SLC14A2: variants seen among roughly 807,000 people sequenced by gnomAD.
The protein encoded by SLC14A2 is solute carrier family 14 member 2, also known as urea transporter 2.
A neutral mutation model predicts 104.6 loss-of-function variants in SLC14A2; 91 were observed. That is an observed-to-expected ratio of 0.87 (90% CI 0.73 to 1.04). The LOEUF (loss-of-function observed/expected upper bound fraction) is 1.04. SLC14A2 is among the 50% of genes least tolerant of loss of function. The pLI is 0.00. For missense variants in SLC14A2, 1,189 were observed against 1,156.0 expected (o/e 1.03, Z -0.41); for synonymous variants, 476 against 466.4 (o/e 1.02, Z -0.27).
At chr18:45,619,052 C>T (rs544663383) in intron 1 of SLC14A2, among the ~76,000 whole-genome samples, 1 of 152,370 alleles carries the variant, frequency 6.6e-6, no homozygotes, top group South Asian at 2.1e-4. Context: ...ACACTAAGGA[C>T]TCCTGACAGT....
chr18:45,469,627 T>G (rs1022294777), intron 1 of SLC14A2, among the ~76,000 whole-genome samples: 1 of 152,182 alleles, frequency 6.6e-6, no homozygotes, highest in African/African-American at 2.4e-5. Context: ...GTATTAATTG[T>G]TTCCTGTGCC....
At chr18:45,398,280 G>A (rs2086058209) in intron 1 of SLC14A2, among the ~76,000 whole-genome samples, 1 of 152,096 alleles carries the variant, frequency 6.6e-6, no homozygotes, top group Non-Finnish European at 1.5e-5. Flanking sequence ...GTGTGGCTGA[G>A]ATCAAGGATA....
At chr18:45,274,581 G>T (rs1008285194) in intron 1 of SLC14A2, among the ~76,000 whole-genome samples, 1 of 152,240 alleles carries the variant, frequency 6.6e-6, no homozygotes, top group South Asian at 2.1e-4. Context: ...TTACTCACAG[G>T]GTAGGAAATC....
intron 2 of SLC14A2, among the ~76,000 whole-genome samples, chr18:45,503,909 ATTCAGCTGAC>A (rs1358921525): frequency 6.8e-6 from 1 of 147,330 alleles, no homozygotes; most frequent in Non-Finnish European, 1.5e-5. Context: ...AGGATCAAAG[ATTCAGCTGAC>A]TTACCCAAAG....
the SLC14A2 span, among the ~76,000 whole-genome samples, chr18:45,174,693 C>T: frequency 3.9e-5 from 6 of 152,076 alleles, no homozygotes; most frequent in Admixed American, 6.6e-5. Context: ...ACCAAAAACA[C>T]AAGAATTGGA....
chr18:45,599,423 G>A (rs1246682818), intron 2 of SLC14A2, among the ~76,000 whole-genome samples: 5 of 152,228 alleles, frequency 3.3e-5, no homozygotes, highest in South Asian at 2.1e-4. Flanking sequence ...AGTCCTGGCC[G>A]CGACCTGCTC....
rs541876009 is a variant in SLC14A2 at position 45,476,292 on chromosome 18, A to T, written c.-124-6941A>T. On this transcript the variant is annotated intron_variant, in intron 1 of 20. Coordinates refer to the SLC14A2 transcript ENST00000586448. ...GGATTGAAAACTCTTTGTTTTAAGAATTTTGAATATTGGCCCCCACTCTCT... is the reference window on the plus strand; with the variant it reads ...GGATTGAAAACTCTTTGTTTTAAGATTTTTGAATATTGGCCCCCACTCTCT... 9.2e-5 allele frequency among the ~76,000 whole-genome samples: 14 copies of T among 152,282 alleles called. 1 individual carries two copies. The South Asian group carries it at 1.7e-3, about 18-fold the overall frequency.
chr18:45,671,027 A>T (rs555097733), intron 16 of SLC14A2, among the ~76,000 whole-genome samples: 1 of 152,166 alleles, frequency 6.6e-6, no homozygotes, highest in Non-Finnish European at 1.5e-5. Context: ...CTTGGACCAG[A>T]AACAAGAAAA....
At chr18:45,515,046 G>T (rs1354330358) in intron 2 of SLC14A2, among the ~76,000 whole-genome samples, 1 of 152,186 alleles carries the variant, frequency 6.6e-6, no homozygotes, top group Non-Finnish European at 1.5e-5. Flanking sequence ...TCCTAGAATA[G>T]GTGGAGGAGA....
intron 2 of SLC14A2, among the ~76,000 whole-genome samples, chr18:45,519,428 T>A (rs1318498680): frequency 3.9e-5 from 6 of 152,218 alleles, no homozygotes; most frequent in Non-Finnish European, 1.5e-5. Flanking sequence ...TATCTGCCCA[T>A]TCACAGAGTC....
intron 1 of SLC14A2, among the ~76,000 whole-genome samples, chr18:45,322,421 G>A (rs965794920): frequency 6.6e-6 from 1 of 152,152 alleles, no homozygotes; most frequent in African/African-American, 2.4e-5. Context: ...CAGGCCCATT[G>A]ACAATTGGCT....
chr18:45,197,785 T>C, the SLC14A2 span, among the ~76,000 whole-genome samples: 29 of 152,328 alleles, frequency 1.9e-4, no homozygotes, highest in African/African-American at 7.0e-4. Context: ...AATTCCGCAG[T>C]GATCTGTTTG....
chr18:45,646,176 T>C (rs919100334), intron 10 of SLC14A2: 2 of 152,264 alleles, frequency 1.3e-5, no homozygotes, highest in Admixed American at 1.3e-4. Flanking sequence ...CCTCTCACTC[T>C]GTTGTTCTCT....
chr18:45,500,839 G>A (rs540409042), intron 2 of SLC14A2, among the ~76,000 whole-genome samples: 4 of 152,194 alleles, frequency 2.6e-5, no homozygotes, highest in Non-Finnish European at 4.4e-5. Flanking sequence ...TTCGGGAAGA[G>A]GTGGGATTTT....
intron 1 of SLC14A2, among the ~76,000 whole-genome samples, chr18:45,313,627 A>G (rs2085100405): frequency 6.6e-6 from 1 of 152,246 alleles, no homozygotes. Context: ...CACAAGCTAC[A>G]GTGCCTCAGT....
chr18:45,201,250 A>G, the SLC14A2 span, among the ~76,000 whole-genome samples: 2 of 152,088 alleles, frequency 1.3e-5, no homozygotes, highest in South Asian at 2.1e-4. Flanking sequence ...TCCCCTGAGC[A>G]TGCTGTATGC....
chr18:45,251,506 C>CA (rs913462518), intron 1 of SLC14A2, among the ~76,000 whole-genome samples: 2 of 152,020 alleles, frequency 1.3e-5, no homozygotes, highest in African/African-American at 4.8e-5. Flanking sequence ...ATTGTCATAA[C>CA]AAAAAAACAC....
the SLC14A2 span, among the ~76,000 whole-genome samples, chr18:45,199,003 T>G: frequency 2.0e-5 from 3 of 152,300 alleles, no homozygotes; most frequent in East Asian, 3.9e-4. Context: ...TACAGTAGTT[T>G]TTGCAGTGAG....
intron 1 of SLC14A2, among the ~76,000 whole-genome samples, chr18:45,419,875 G>A (rs138703408): frequency 2.7e-4 from 41 of 152,232 alleles, no homozygotes; most frequent in African/African-American, 9.6e-4. Flanking sequence ...CTTGCTAATA[G>A]TACTCAATAT....
Sources: gnomAD v4.1 joint callset for allele counts (sites outside exome capture counted in the v4.1 genomes callset) on GRCh38, gnomAD v4.1.1 for gene constraint, MANE v1.5 for transcripts, NCBI Gene and HGNC (gene_info 2026-07-23, HGNC 2026-07-21) for gene names.